The following RGL1 variants were observed in gnomAD, a reference collection of about 807,000 sequenced individuals.
RGL1 encodes ral guanine nucleotide dissociation stimulator like 1, also known as ral guanine nucleotide dissociation stimulator-like 1.
Under a neutral mutation model 95.2 loss-of-function variants are expected in RGL1, and 24 were observed. That is an observed-to-expected ratio of 0.25 (90% CI 0.18 to 0.35). RGL1 has a LOEUF of 0.35. Among genes scored for constraint, RGL1 ranks in the 10% least tolerant of loss-of-function variants. The pLI is 1.00. For synonymous variants in RGL1, 329 were observed against 344.9 expected (o/e 0.95, Z 0.51); for missense variants, 715 against 936.3 (o/e 0.76, Z 3.08).
chr1:183,750,307 G>A (rs1657912659), intron 2 of RGL1, among the ~76,000 whole-genome samples: 1 of 151,916 alleles, frequency 6.6e-6, no homozygotes, highest in Non-Finnish European at 1.5e-5. Flanking sequence ...ATTTCATTAA[G>A]TTGATCTTCA....
intron 3 of RGL1, among the ~76,000 whole-genome samples, chr1:183,858,785 ACAGT>A (rs1665325332): frequency 2.0e-5 from 3 of 152,192 alleles, no homozygotes; most frequent in Non-Finnish European, 4.4e-5. Context: ...ACTAAAGCTA[ACAGT>A]AAGCACCCAT....
intron 2 of RGL1, among the ~76,000 whole-genome samples, chr1:183,808,078 A>C (rs1661459694): frequency 6.6e-6 from 1 of 151,984 alleles, no homozygotes; most frequent in Non-Finnish European, 1.5e-5. Flanking sequence ...TGCTTGGGTG[A>C]CTGTTTTAGT....
At chr1:183,800,654 C>T (rs1050695827), upstream of RGL1, among the ~76,000 whole-genome samples, 3 of 152,180 alleles carry the variant, frequency 2.0e-5, no homozygotes, top group Non-Finnish European at 4.4e-5. Context: ...AGGAATTCCT[C>T]ATCTGCCCCT....
chr1:183,773,666 C>T lies in RGL1; in HGVS notation c.132+31377C>T, dbSNP rs148351514. On this transcript the variant is annotated intron_variant, in intron 2 of 18. Transcript: ENST00000304685. ...AATAATGACAACAAAAGCAAATAGC[C>T]TGATGAAAAGAGTCCTTAGCATGCA... 1.4e-4 allele frequency among the ~76,000 whole-genome samples: 22 copies of T among 152,296 alleles called. No individual in the cohort carries two copies. The East Asian group carries it at 3.3e-3, about 23-fold the overall frequency.
intron 2 of RGL1, among the ~76,000 whole-genome samples, chr1:183,844,509 C>A (rs1379806200): frequency 6.6e-6 from 1 of 152,186 alleles, no homozygotes; most frequent in Non-Finnish European, 1.5e-5. Flanking sequence ...ATGAGAAATT[C>A]TGCAGTAAAG....
chr1:183,918,739 C>A (rs1279256867), intron 16 of RGL1, among the ~76,000 whole-genome samples: 1 of 152,234 alleles, frequency 6.6e-6, no homozygotes, highest in Non-Finnish European at 1.5e-5. Context: ...CTCCTGCCAA[C>A]CCCTTCCTGT....
At chr1:183,922,102 C>T (rs762887146) in intron 16 of RGL1, 120 bp from the exon 17 acceptor site, 33 of 773,990 alleles carry the variant, frequency 4.3e-5, no homozygotes, top group Admixed American at 8.9e-5. Flanking sequence ...TCCAATTCCA[C>T]GAGTCCGTTC....
chr1:183,748,394 CTTTTTTTTTTTTTTTT>C (rs56920504), intron 2 of RGL1, among the ~76,000 whole-genome samples: 2 of 69,718 alleles, frequency 2.9e-5, no homozygotes, highest in African/African-American at 1.3e-4. Context: ...TTCTCTAGTT[CTTTTTTTTTTTTTTTT>C]TTTTTTTTTT....
chr1:183,662,770 A>G (rs1485268070), intron 1 of RGL1, among the ~76,000 whole-genome samples: 1 of 152,204 alleles, frequency 6.6e-6, no homozygotes, highest in Non-Finnish European at 1.5e-5. Context: ...CCTAAGCCAA[A>G]AGAACAAAGC....
intron 2 of RGL1, among the ~76,000 whole-genome samples, chr1:183,788,133 G>T (rs951473382): frequency 1.3e-5 from 2 of 152,158 alleles, no homozygotes; most frequent in Non-Finnish European, 1.5e-5. Flanking sequence ...ACTAGTCAGG[G>T]TTCACTACAG....
chr1:183,637,418 G>C (rs183517733), intron 1 of RGL1, among the ~76,000 whole-genome samples: 1 of 152,270 alleles, frequency 6.6e-6, no homozygotes, highest in African/African-American at 2.4e-5. Flanking sequence ...AAATGTGAAA[G>C]ACCGTACAGT....
At chr1:183,872,834 A>G (rs77033785) in intron 4 of RGL1, among the ~76,000 whole-genome samples, 2,062 of 152,338 alleles carry the variant, frequency 0.014, 46 homozygotes, top group African/African-American at 0.048. Flanking sequence ...TTATAACAAA[A>G]ATGGGGAAAA....
At chr1:183,781,448 G>GT (rs1403213563) in intron 2 of RGL1, among the ~76,000 whole-genome samples, 1 of 152,106 alleles carries the variant, frequency 6.6e-6, no homozygotes, top group East Asian at 1.9e-4. Context: ...TATTTATTAA[G>GT]TTTTTTAATA....
chr1:183,887,511 G>A (rs1667187426), intron 7 of RGL1, among the ~76,000 whole-genome samples: 1 of 152,090 alleles, frequency 6.6e-6, no homozygotes, highest in African/African-American at 2.4e-5. Flanking sequence ...CTCACATGGT[G>A]TACTCACTTG....
chr1:183,861,991 T>C (rs1054606563), intron 3 of RGL1, among the ~76,000 whole-genome samples: 1 of 152,200 alleles, frequency 6.6e-6, no homozygotes. Context: ...AGTTCTGGAT[T>C]CCAACACTAG....
chr1:183,906,163 C>T (rs978100141), intron 13 of RGL1, among the ~76,000 whole-genome samples: 3 of 152,044 alleles, frequency 2.0e-5, no homozygotes, highest in African/African-American at 7.2e-5. Context: ...TTAATGACAG[C>T]ATTTGGATTC....
intron 1 of RGL1, among the ~76,000 whole-genome samples, chr1:183,717,579 G>T: frequency 6.6e-6 from 1 of 152,056 alleles, no homozygotes; most frequent in South Asian, 2.1e-4. Context: ...ATTTATATTT[G>T]GTACTTTTAA....
intron 1 of RGL1, among the ~76,000 whole-genome samples, chr1:183,639,951 C>T (rs984165084): frequency 5.9e-5 from 9 of 152,022 alleles, no homozygotes; most frequent in Non-Finnish European, 1.2e-4. Context: ...CAAGCATTCT[C>T]CTGCGTCAGC....
chr1:183,840,987 TC>T (rs34908799), intron 2 of RGL1, among the ~76,000 whole-genome samples: 125,413 of 152,114 alleles, frequency 0.82, 51,855 homozygotes, highest in Middle Eastern at 0.88. Context: ...TCTTGGTGCT[TC>T]CCTCCATGTC....
Sources: gnomAD v4.1 joint callset for allele counts (sites outside exome capture counted in the v4.1 genomes callset) on GRCh38, gnomAD v4.1.1 for gene constraint, MANE v1.5 for transcripts, NCBI Gene and HGNC (gene_info 2026-07-23, HGNC 2026-07-21) for gene names.